SORCS2: variants seen among roughly 807,000 people sequenced by gnomAD.
SORCS2 encodes the protein sortilin related VPS10 domain containing receptor 2.
SORCS2 carries 100 observed loss-of-function variants against 141.6 expected under a neutral mutation model. That is an observed-to-expected ratio of 0.71 (90% CI 0.60 to 0.83). The LOEUF (loss-of-function observed/expected upper bound fraction) is 0.83. Among genes scored for constraint, SORCS2 ranks in the 40% least tolerant of loss-of-function variants. The probability of loss-of-function intolerance (pLI) is 0.00; values close to 1 mark genes in which losing one functional copy is unlikely to be tolerated. For synonymous variants in SORCS2, 789 were observed against 676.9 expected, an observed-to-expected ratio of 1.17 and a Z score of -2.57; for missense variants, 1,646 against 1,560.2, an observed-to-expected ratio of 1.05 and a Z score of -0.93.
At chr4:7,589,622 C>T (rs1194066979) in intron 3 of SORCS2, among the ~76,000 whole-genome samples, 6 of 152,074 alleles carry the variant, frequency 3.9e-5, no homozygotes, top group Non-Finnish European at 5.9e-5. Flanking sequence ...AGGCTTGTCT[C>T]GAACTCCTGA....
At chr4:7,394,742 G>A (rs563644869) in intron 1 of SORCS2, among the ~76,000 whole-genome samples, 1 of 152,062 alleles carries the variant, frequency 6.6e-6, no homozygotes, top group Non-Finnish European at 1.5e-5. Context: ...AGCAGGGTGC[G>A]CCCCAAACCC....
At position 7,737,535 on chromosome 4, in the gene SORCS2, C is replaced by A. The variant is rs987396214; in HGVS notation, c.3415+363C>A. On this transcript the variant is annotated intron_variant, in intron 26 of 26. Transcript: ENST00000507866. ...CTCAGGACGTGGGAGGCCTTTCCCC[C>A]ACAGCCGCTCCCTCAACACTCCCAG... Among the ~76,000 whole-genome samples the A allele has an allele frequency of 2.0e-5, 3 of 152,184 alleles. No homozygotes were observed. The South Asian group carries it at 6.2e-4, about 32-fold the overall frequency.
chr4:7,676,545 G>A (rs529507025), intron 9 of SORCS2, among the ~76,000 whole-genome samples: 1 of 152,296 alleles, frequency 6.6e-6, no homozygotes, highest in African/African-American at 2.4e-5. Context: ...CAGCCTGAGT[G>A]TTCTCTGCCA....
intron 2 of SORCS2, among the ~76,000 whole-genome samples, chr4:7,523,623 T>G (rs1238670377): frequency 6.6e-6 from 1 of 152,096 alleles, no homozygotes; most frequent in Non-Finnish European, 1.5e-5. Context: ...CAGTCCACCA[T>G]GAGCCGGGGC....
At chr4:7,715,087 G>T (rs1726098520) in intron 16 of SORCS2, 96 bp from the exon 17 acceptor site, 1 of 1,540,118 alleles carries the variant, frequency 6.5e-7, no homozygotes, top group Non-Finnish European at 8.9e-7. Context: ...TTGACATGAG[G>T]TTCCCTTCTC....
At chr4:7,650,694 G>A (rs867394951) in intron 4 of SORCS2, among the ~76,000 whole-genome samples, 15 of 148,306 alleles carry the variant, frequency 1.0e-4, no homozygotes, top group Non-Finnish European at 1.6e-4. Flanking sequence ...CCGGGTCCCC[G>A]CCTCCCTCTC....
chr4:7,377,889 C>T (rs1358026827), intron 1 of SORCS2, among the ~76,000 whole-genome samples: 2 of 152,228 alleles, frequency 1.3e-5, no homozygotes, highest in East Asian at 3.8e-4. Flanking sequence ...GTGGAAGATA[C>T]ATTGAGTTCA....
intron 1 of SORCS2, among the ~76,000 whole-genome samples, chr4:7,389,310 C>A (rs1422330787): frequency 4.6e-5 from 7 of 152,232 alleles, no homozygotes; most frequent in Non-Finnish European, 5.9e-5. Context: ...TTGGCCAAAT[C>A]CTGTGTGATC....
At chr4:7,640,478 GA>G (rs1720656390) in intron 4 of SORCS2, among the ~76,000 whole-genome samples, 1 of 32,662 alleles carries the variant, frequency 3.1e-5, no homozygotes, top group East Asian at 0.019. Context: ...GTGTGTGTGT[GA>G]GAGAGAGCCT....
intron 1 of SORCS2, among the ~76,000 whole-genome samples, chr4:7,369,683 ATTAGTC>A (rs1219383965): frequency 6.6e-6 from 1 of 152,154 alleles, no homozygotes; most frequent in Admixed American, 6.5e-5. Flanking sequence ...CTCCCAGTGC[ATTAGTC>A]CTGGAGGTCC....
chr4:7,562,031 T>C (rs537509986), intron 3 of SORCS2, among the ~76,000 whole-genome samples: 8 of 152,238 alleles, frequency 5.3e-5, no homozygotes, highest in Non-Finnish European at 1.0e-4. Flanking sequence ...TACAAAGCAC[T>C]GTGGTGGTTA....
At chr4:7,390,726 C>T (rs1407305329) in intron 1 of SORCS2, among the ~76,000 whole-genome samples, 1 of 152,198 alleles carries the variant, frequency 6.6e-6, no homozygotes, top group Non-Finnish European at 1.5e-5. Context: ...TATGGAACAG[C>T]TGACCTCGTT....
intron 2 of SORCS2, among the ~76,000 whole-genome samples, chr4:7,459,224 C>T (rs1729131510): frequency 6.6e-6 from 1 of 152,100 alleles, no homozygotes; most frequent in South Asian, 2.1e-4. Context: ...GTCTCTCCAC[C>T]CTTCTCCGAG....
chr4:7,320,214 G>T (rs1718813541), intron 1 of SORCS2, among the ~76,000 whole-genome samples: 1 of 152,200 alleles, frequency 6.6e-6, no homozygotes, highest in African/African-American at 2.4e-5. Context: ...CTACCTCAAT[G>T]GTTAGAATTA....
intron 2 of SORCS2, among the ~76,000 whole-genome samples, chr4:7,460,560 T>C (rs1729235874): frequency 6.6e-6 from 1 of 152,186 alleles, no homozygotes; most frequent in Non-Finnish European, 1.5e-5. Context: ...TTAGACCCCA[T>C]GGTGCATTTC....
chr4:7,577,959 G>A lies in SORCS2; in HGVS notation c.648+46330G>A, dbSNP rs59320710. The stretch of plus-strand genomic sequence containing the variant: ...TGGAGAAGTCATATAGCATACTGGC[G>A]AAGTCAGCTAGTGCCATGGTTTGGA... On this transcript the variant is annotated intron_variant, in intron 3 of 26. Transcript: ENST00000507866. Among the ~76,000 whole-genome samples the A allele has an allele frequency of 5.1e-4, 77 of 151,726 alleles. 1 individual carries two copies. In the East Asian group the frequency reaches 0.012, roughly 24 times the overall value.
intron 2 of SORCS2, among the ~76,000 whole-genome samples, chr4:7,486,757 C>G (rs1731014801): frequency 6.6e-6 from 1 of 152,192 alleles, no homozygotes; most frequent in Non-Finnish European, 1.5e-5. Flanking sequence ...GTGCCCCCAG[C>G]CTCTACAGCT....
At chr4:7,250,197 G>A (rs927337468) in intron 1 of SORCS2, among the ~76,000 whole-genome samples, 2 of 152,106 alleles carry the variant, frequency 1.3e-5, no homozygotes, top group Non-Finnish European at 2.9e-5. Flanking sequence ...ACCTGAGATC[G>A]CGCCACTGCC....
At chr4:7,366,968 G>A (rs1365419865) in intron 1 of SORCS2, among the ~76,000 whole-genome samples, 1 of 152,224 alleles carries the variant, frequency 6.6e-6, no homozygotes, top group Non-Finnish European at 1.5e-5. Flanking sequence ...CTTAAATTCA[G>A]AGGAGCAATC....
Sources: gnomAD v4.1 joint callset for allele counts (sites outside exome capture counted in the v4.1 genomes callset) on GRCh38, gnomAD v4.1.1 for gene constraint, MANE v1.5 for transcripts, NCBI Gene and HGNC (gene_info 2026-07-23, HGNC 2026-07-21) for gene names.